Variants in AGBL2 observed in about 807,000 individuals in gnomAD.
AGBL2 encodes AGBL carboxypeptidase 2, also known as cytosolic carboxypeptidase 2.
In AGBL2, 87 loss-of-function variants were observed where a neutral mutation model predicts 103.0. The observed-to-expected ratio is 0.84, with a 90% CI of 0.71 to 1.01. The LOEUF is 1.01. Ranked by LOEUF, AGBL2 falls within the 50% of genes least tolerant of loss-of-function variation. The pLI is 0.00. For synonymous variants in AGBL2, 335 were observed against 356.7 expected, an observed-to-expected ratio of 0.94 and a Z score of 0.69; for missense variants, 904 against 1,023.5, an observed-to-expected ratio of 0.88 and a Z score of 1.59.
chr11:47,679,033 T>G (rs2097389995), intron 13 of AGBL2, among the ~76,000 whole-genome samples: 1 of 109,488 alleles, frequency 9.1e-6, no homozygotes, highest in Admixed American at 1.4e-4. Context: ...CACTCCAGCC[T>G]GGGCGACAGA....
intron 4 of AGBL2, among the ~76,000 whole-genome samples, chr11:47,706,890 C>CAA (rs1554968232): frequency 0.058 from 3,096 of 52,960 alleles, 267 homozygotes; most frequent in African/African-American, 0.13. Context: ...CTCTACTATT[C>CAA]CAAAAAAAAA....
In AGBL2 at chr11:47,705,621, G is replaced by T; in HGVS notation, c.300C>A (p.Cys100Ter). Reference sequence around the variant, plus strand: ...GGCCGCGCCACTGCATCCAGCCCAGGCAAGAGTGAAAGTCTGTGTCAAAAA... The same window carrying T: ...GGCCGCGCCACTGCATCCAGCCCAGTCAAGAGTGAAAGTCTGTGTCAAAAA... ...IEAINRDFHS[C>*]LGWMQWRGLS... The change falls in exon 6 of 19, where the codon TGC becomes TGA. Residue 100 changes from cysteine to a stop codon, truncating the protein, a stop_gained. Coordinates refer to ENST00000525123, the MANE Select transcript of AGBL2 (RefSeq NM_024783.4). LOFTEE classifies it high-confidence loss of function. The T allele has an allele frequency of 1.9e-6, 1 of 515,736 alleles. No individual in the cohort carries two copies. Among genetic ancestry groups the T allele is most frequent in the Non-Finnish European group, 3.4e-6 (1 of 294,538 alleles). 31.9% of individuals were successfully genotyped at this position (515,736 alleles called of 1,614,324 possible).
In AGBL2 at chr11:47,710,392, T is replaced by C. The variant is rs2097533379; in HGVS notation, c.217A>G (p.Lys73Glu). The C allele has an allele frequency of 3.1e-6, 5 of 1,614,050 alleles. No individual in the cohort carries two copies. Among genetic ancestry groups the C allele is most frequent in the Non-Finnish European group, 4.2e-6 (5 of 1,179,978 alleles). Residue 73 changes from lysine to glutamate, a missense_variant, in exon 4 of 19, where the codon AAG (lysine) becomes GAG (glutamate). By Grantham distance (56) the Lys-to-Glu change is moderately conservative. Transcript: ENST00000525123. Reference sequence around the variant, plus strand: ...TGTTACTCACATAGAAGCTTCTCCTTTTGCAGGGTGTCTGGTATCAAATCA... The same window carrying C: ...TGTTACTCACATAGAAGCTTCTCCTCTTGCAGGGTGTCTGGTATCAAATCA... ...KDDLIPDTLQ[K>E]EKLLWPISLS...
At chr11:47,666,102 C>T (rs1187114012) in intron 17 of AGBL2, among the ~76,000 whole-genome samples, 1 of 151,424 alleles carries the variant, frequency 6.6e-6, no homozygotes, top group Non-Finnish European at 1.5e-5. Context: ...ACAAAAAAAT[C>T]AATGATTTTG....
At chr11:47,684,804 A>G (rs1168219249) in intron 11 of AGBL2, among the ~76,000 whole-genome samples, 3 of 152,166 alleles carry the variant, frequency 2.0e-5, no homozygotes, top group South Asian at 2.1e-4. Flanking sequence ...CTTCTAGTAT[A>G]TAACCTTTCC....
At chr11:47,707,560 A>G (rs531769105) in intron 4 of AGBL2, among the ~76,000 whole-genome samples, 3 of 152,254 alleles carry the variant, frequency 2.0e-5, no homozygotes, top group Non-Finnish European at 2.9e-5. Flanking sequence ...ACCTGCCCCC[A>G]TGATTCAATT....
At chr11:47,708,904 C>G (rs1316094544) in intron 4 of AGBL2, among the ~76,000 whole-genome samples, 1 of 152,014 alleles carries the variant, frequency 6.6e-6, no homozygotes. Context: ...GGCCGATCAC[C>G]TGAGGTTGGG....
chr11:47,700,336 T>C (rs892068097), intron 7 of AGBL2, among the ~76,000 whole-genome samples: 6 of 152,102 alleles, frequency 3.9e-5, no homozygotes, highest in Non-Finnish European at 8.8e-5. Context: ...CCCAGCACTT[T>C]GGGAGGACAA....
intron 18 of AGBL2, among the ~76,000 whole-genome samples, chr11:47,662,113 T>C (rs1317923942): frequency 6.6e-6 from 1 of 152,154 alleles, no homozygotes; most frequent in Non-Finnish European, 1.5e-5. Flanking sequence ...ATGATGAATG[T>C]TATTATAGGG....
intron 4 of AGBL2, among the ~76,000 whole-genome samples, chr11:47,709,544 G>C (rs1032603991): frequency 6.6e-6 from 1 of 151,860 alleles, no homozygotes; most frequent in Non-Finnish European, 1.5e-5. Context: ...TATGCAAAGA[G>C]CCTTAGTAAG....
chr11:47,707,631 G>A (rs968506203), intron 4 of AGBL2, among the ~76,000 whole-genome samples: 17 of 152,148 alleles, frequency 1.1e-4, no homozygotes, highest in South Asian at 2.1e-4. Flanking sequence ...GGGTGGGGAC[G>A]CAGCCAAACA....
intron 14 of AGBL2, among the ~76,000 whole-genome samples, chr11:47,674,514 C>A (rs1320125583): frequency 1.4e-5 from 2 of 144,634 alleles, no homozygotes; most frequent in Non-Finnish European, 3.0e-5. Context: ...TTGCAGTGAG[C>A]TGAGATCGTG....
rs372825001 is a variant in AGBL2 at position 47,685,886 on chromosome 11, T to C, written c.1788+7A>G. ...TCAATGGAGAGAAAATTACATTATGTGCTTACCTTATCTGGTGCATTTTTG... is the reference window on the plus strand; with the variant it reads ...TCAATGGAGAGAAAATTACATTATGCGCTTACCTTATCTGGTGCATTTTTG... On this transcript the variant is annotated splice_region_variant and intron_variant, in intron 11 of 18. Coordinates refer to ENST00000525123, the MANE Select transcript of AGBL2 (RefSeq NM_024783.4). The C allele has an allele frequency of 1.2e-5, 19 of 1,613,462 alleles. No individual in the cohort carries two copies. The highest frequency in any genetic ancestry group is 1.7e-4 in the Middle Eastern group (1 of 6,052).
chr11:47,702,604 G>A (rs960906227), intron 7 of AGBL2, among the ~76,000 whole-genome samples: 3 of 152,128 alleles, frequency 2.0e-5, no homozygotes, highest in African/African-American at 2.4e-5. Flanking sequence ...AGCTGGGTGC[G>A]GTGGCTCATG....
rs2097324167 is a variant in AGBL2, at chr11:47,660,065, G to GT, written c.*107dup. 1 of 1,268,576 alleles carries GT rather than the reference G, an allele frequency of 7.9e-7. No homozygotes were observed. Among genetic ancestry groups the GT allele is most frequent in the Non-Finnish European group, 1.1e-6 (1 of 915,034 alleles). The allele number at this position is 1,268,576 out of a possible 1,614,324, so 78.6% of individuals were successfully genotyped here. The stretch of plus-strand genomic sequence containing the variant: ...GGTCAGTGCATGAGTGCACAACACA[G>GT]TATACCACAAGTAAATGCAGTTCCC... On this transcript the variant is annotated 3_prime_UTR_variant, in exon 19 of 19. Coordinates refer to ENST00000525123, the MANE Select transcript of AGBL2 (RefSeq NM_024783.4).
rs1188291518 is a variant in AGBL2, at chr11:47,685,984, A to AT, written c.1696dup (p.Ile566AsnfsTer7). 6.2e-7 allele frequency: 1 copy of AT among 1,613,888 alleles called. No individual in the cohort carries two copies. The highest frequency in any genetic ancestry group is 1.3e-5 in the African/African-American group (1 of 74,924). ...GTTGTTATTACAGCCATACAGGAAG[A>AT]TATTATTCTTACGACTGTGGCCATG... is the stretch of plus-strand genomic sequence containing the variant. On this transcript the variant is annotated frameshift_variant, in exon 11 of 19. Coordinates refer to ENST00000525123, the MANE Select transcript of AGBL2 (RefSeq NM_024783.4). LOFTEE classifies it high-confidence loss of function.
intron 8 of AGBL2, 148 bp from the exon 9 acceptor site, chr11:47,692,404 C>CTTT (rs11286504): frequency 0.1 from 10,165 of 99,602 alleles, 994 homozygotes; most frequent in African/African-American, 0.21. Context: ...GACTTTTAAT[C>CTTT]TTTTTTTTTT....
Position 47,666,874 on chromosome 11 carries a change from A to G in AGBL2, c.2448+82T>C, listed in dbSNP as rs534446055. 3.6e-5 allele frequency: 33 copies of G among 916,278 alleles called. 3 individuals carry two copies. In the South Asian group the frequency reaches 4.4e-4, roughly 12 times the overall value. The allele number at this position is 916,278 out of a possible 1,614,324, so 56.8% of individuals were successfully genotyped here. A position where few individuals can be genotyped will look rare whatever the true frequency, so the allele number is the denominator to read the frequency against. On this transcript the variant is annotated intron_variant, in intron 17 of 18. Transcript: ENST00000525123. ...TTAGGGTAACGTAAATGGCTATTAC[A>G]TTTGTCACATTGTGGGAGAGAGGTG...
In AGBL2 at chr11:47,679,982, G is replaced by C; in HGVS notation, c.2007C>G (p.Asp669Glu). ...CDTLLDFCDP[D>E]QMKFTQCLAE... ...GAAACCCCATTTTTACCTTCATTTG[G>C]TCAGGATCACAAAAGTCCAGAAGGG... The change falls in exon 13 of 19, where the codon GAC (aspartate) becomes GAG (glutamate). Residue 669 changes from aspartate to glutamate, a missense_variant. Coordinates refer to ENST00000525123, the MANE Select transcript of AGBL2 (RefSeq NM_024783.4). 6.2e-7 allele frequency: 1 copy of C among 1,604,130 alleles called. No homozygotes were observed. Among genetic ancestry groups the C allele is most frequent in the Non-Finnish European group, 8.5e-7 (1 of 1,172,352 alleles).
Sources: gnomAD v4.1 joint callset for allele counts (sites outside exome capture counted in the v4.1 genomes callset) on GRCh38, gnomAD v4.1.1 for gene constraint, MANE v1.5 for transcripts, NCBI Gene and HGNC (gene_info 2026-07-23, HGNC 2026-07-21) for gene names.